The following FRMD3 variants were observed in gnomAD, a reference collection of about 807,000 sequenced individuals.
The protein encoded by FRMD3 is FERM domain containing 3, also known as FERM domain-containing protein 3.
In FRMD3, 33 loss-of-function variants were observed where a neutral mutation model predicts 70.2. The ratio of observed to expected loss-of-function variants is 0.47; its 90% confidence interval spans 0.36 to 0.63. The LOEUF is 0.63. FRMD3 is among the 20% of genes least tolerant of loss of function. The pLI is 0.00. For missense variants in FRMD3, 632 were observed against 711.4 expected (o/e 0.89, Z 1.27); for synonymous variants, 279 against 255.9 (o/e 1.09, Z -0.86).
rs887403188 is a variant in FRMD3 at position 83,465,037 on chromosome 9, A to AG, written c.147+73047_147+73048insC. Among the ~76,000 whole-genome samples the AG allele has an allele frequency of 1.1e-3, 57 of 49,850 alleles. 1 individual carries two copies. Among genetic ancestry groups the AG allele is most frequent in the Non-Finnish European group, 1.3e-3 (24 of 18,540 alleles). The allele number at this position is 49,850 out of a possible 152,430, so 32.7% of individuals were successfully genotyped here. On this transcript the variant is annotated intron_variant, in intron 1 of 13. Transcript: ENST00000304195. ...TCTGTCTCAAAAAGAAAAAAAAAAAAAAGAAGAAGAAGCAGCAGCTTAATG... is the reference window on the plus strand; with the variant it reads ...TCTGTCTCAAAAAGAAAAAAAAAAAAGAAGAAGAAGAAGCAGCAGCTTAATG...
the FRMD3 span, among the ~76,000 whole-genome samples, chr9:83,554,632 A>T: frequency 6.6e-6 from 1 of 152,210 alleles, no homozygotes; most frequent in Non-Finnish European, 1.5e-5. Context: ...GGAGATGTGG[A>T]TAAGACACTT....
Position 83,508,178 on chromosome 9 carries a change from A to G in FRMD3, c.147+29907T>C, listed in dbSNP as rs147846072. Among the ~76,000 whole-genome samples the G allele has an allele frequency of 5.3e-5, 8 of 152,324 alleles. No individual in the cohort carries two copies. In the East Asian group the frequency reaches 9.7e-4, roughly 18 times the overall value. On this transcript the variant is annotated intron_variant, in intron 1 of 13. Coordinates refer to ENST00000304195, the MANE Select transcript of FRMD3 (RefSeq NM_174938.6). Reference sequence around the variant, plus strand: ...AAGACAGAAAGGCATATACTGCCCAATGCTTTTTACGTAAAATTACATGAA... The same window carrying G: ...AAGACAGAAAGGCATATACTGCCCAGTGCTTTTTACGTAAAATTACATGAA...
chr9:83,467,746 A>G, intron 1 of FRMD3: 1 of 1,512,036 alleles, frequency 6.6e-7, no homozygotes, highest in Non-Finnish European at 8.8e-7. Context: ...TAGGGCTCCA[A>G]TCTAAGCTCG....
chr9:83,473,025 A>G (rs1411369552), intron 1 of FRMD3, among the ~76,000 whole-genome samples: 1 of 152,088 alleles, frequency 6.6e-6, no homozygotes. Context: ...CCATGCTTAC[A>G]ATATTTCCCC....
At chr9:83,350,880 T>C in intron 3 of FRMD3, 1 of 479,484 alleles carries the variant, frequency 2.1e-6, no homozygotes, top group Non-Finnish European at 2.7e-6. Context: ...ATTACACTGA[T>C]AAATGCATAC....
At chr9:83,460,512 T>C (rs941202925) in intron 1 of FRMD3, among the ~76,000 whole-genome samples, 1 of 152,230 alleles carries the variant, frequency 6.6e-6, no homozygotes, top group African/African-American at 2.4e-5. Flanking sequence ...AGTTAATGTG[T>C]CGGGGGTACA....
At chr9:83,319,422 A>G (rs1418608144) in intron 6 of FRMD3, among the ~76,000 whole-genome samples, 1 of 151,784 alleles carries the variant, frequency 6.6e-6, no homozygotes, top group Non-Finnish European at 1.5e-5. Flanking sequence ...TTTTCCCAGG[A>G]TTATTTATTT....
In FRMD3 at chr9:83,245,586, A is replaced by G. The variant is rs1832053874; in HGVS notation, c.*2332T>C. The G allele has an allele frequency of 1.2e-6, 1 of 841,568 alleles. No individual in the cohort carries two copies. The highest frequency in any genetic ancestry group is 1.4e-6 in the Non-Finnish European group (1 of 698,546). The allele number at this position is 841,568 out of a possible 1,614,324, so 52.1% of individuals were successfully genotyped here. On this transcript the variant is annotated 3_prime_UTR_variant, in exon 14 of 14. Coordinates refer to ENST00000304195, the MANE Select transcript of FRMD3 (RefSeq NM_174938.6). Reference sequence around the variant, plus strand: ...TAAGATAAATCTGCATCGTTGGATTACATGTGATATTTATACTATCATATT... The same window carrying G: ...TAAGATAAATCTGCATCGTTGGATTGCATGTGATATTTATACTATCATATT...
At chr9:83,506,541 C>G (rs1014405834) in intron 1 of FRMD3, among the ~76,000 whole-genome samples, 6 of 152,174 alleles carry the variant, frequency 3.9e-5, no homozygotes, top group African/African-American at 1.4e-4. Flanking sequence ...TAAAAATCGA[C>G]TTAAAATGGC....
intron 4 of FRMD3, among the ~76,000 whole-genome samples, chr9:83,344,557 T>C (rs1261874784): frequency 6.6e-6 from 1 of 152,180 alleles, no homozygotes; most frequent in East Asian, 1.9e-4. Flanking sequence ...CAGAGGAAGC[T>C]GAATTCACTC....
chr9:83,413,994 A>T (rs560811122), intron 1 of FRMD3, among the ~76,000 whole-genome samples: 1 of 152,272 alleles, frequency 6.6e-6, no homozygotes, highest in East Asian at 1.9e-4. Context: ...AAAGTGTTGA[A>T]ATTCCCTTTT....
At chr9:83,355,301 C>T (rs562567577) in intron 3 of FRMD3, among the ~76,000 whole-genome samples, 63 of 152,306 alleles carry the variant, frequency 4.1e-4, no homozygotes, top group Admixed American at 8.5e-4. Flanking sequence ...GAGCTATCTG[C>T]GCAAACCCAC....
intron 1 of FRMD3, among the ~76,000 whole-genome samples, chr9:83,534,557 CA>C (rs1829852529): frequency 6.6e-6 from 1 of 152,178 alleles, no homozygotes; most frequent in South Asian, 2.1e-4. Flanking sequence ...TGAAGAGGCA[CA>C]AAACACATGC....
chr9:83,480,758 G>C (rs973696773), intron 1 of FRMD3, among the ~76,000 whole-genome samples: 1 of 152,084 alleles, frequency 6.6e-6, no homozygotes, highest in South Asian at 2.1e-4. Context: ...GCCTCACAAA[G>C]TGCTGGGATT....
At chr9:83,502,839 A>G (rs1343654740) in intron 1 of FRMD3, among the ~76,000 whole-genome samples, 1 of 152,186 alleles carries the variant, frequency 6.6e-6, no homozygotes, top group African/African-American at 2.4e-5. Flanking sequence ...AGACAGAAAC[A>G]CTAAACACTG....
At position 83,247,741 on chromosome 9, in the gene FRMD3, T is replaced by C; in HGVS notation, c.*177A>G. 2 of 1,450,056 alleles carry C rather than the reference T, an allele frequency of 1.4e-6. No individual in the cohort carries two copies. The highest frequency in any genetic ancestry group is 1.8e-6 in the Non-Finnish European group (2 of 1,104,300). 89.8% of individuals were successfully genotyped at this position (1,450,056 alleles called of 1,614,324 possible). On this transcript the variant is annotated 3_prime_UTR_variant, in exon 14 of 14. Transcript: ENST00000304195. ...AACCTGTAACTAAAATAACTGTATTTGATTTAAACTTATTTAAGTGCAGTG... is the reference window on the plus strand; with the variant it reads ...AACCTGTAACTAAAATAACTGTATTCGATTTAAACTTATTTAAGTGCAGTG...
intron 1 of FRMD3, among the ~76,000 whole-genome samples, chr9:83,391,773 C>G (rs1364823839): frequency 6.6e-6 from 1 of 152,176 alleles, no homozygotes; most frequent in African/African-American, 2.4e-5. Flanking sequence ...CAATGCCTTC[C>G]AAAAACCAGG....
chr9:83,486,689 C>A (rs1828697156), intron 1 of FRMD3, among the ~76,000 whole-genome samples: 1 of 152,174 alleles, frequency 6.6e-6, no homozygotes, highest in Non-Finnish European at 1.5e-5. Flanking sequence ...AATTAAACAG[C>A]TTTTTCATTA....
chr9:83,496,293 A>G (rs1307160123), intron 1 of FRMD3, among the ~76,000 whole-genome samples: 1 of 152,248 alleles, frequency 6.6e-6, no homozygotes, highest in Admixed American at 6.5e-5. Flanking sequence ...ATGGAAGAGT[A>G]AAAACTGAAG....
Sources: allele counts gnomAD v4.1 joint callset (sites outside exome capture counted in the v4.1 genomes callset), GRCh38; gene constraint gnomAD v4.1.1; transcripts MANE v1.5; gene names NCBI Gene and HGNC (gene_info 2026-07-23, HGNC 2026-07-21).